Variants in B3GAT2 observed in about 807,000 individuals in gnomAD.
B3GAT2 encodes galactosylgalactosylxylosylprotein 3-beta-glucuronosyltransferase 2.
In B3GAT2, 26 loss-of-function variants were observed where a neutral mutation model predicts 27.8. That is an observed-to-expected ratio of 0.93 (90% CI 0.68 to 1.30). The LOEUF (loss-of-function observed/expected upper bound fraction) is 1.30. Among genes scored for constraint, B3GAT2 ranks in the 50% most tolerant of loss-of-function variants. The pLI, the probability that B3GAT2 is intolerant of heterozygous loss-of-function variation, is 0.00. For synonymous variants in B3GAT2, 218 were observed against 195.1 expected, an observed-to-expected ratio of 1.12 and a Z score of -0.98; for missense variants, 458 against 459.0, an observed-to-expected ratio of 1.00 and a Z score of 0.02.
At chr6:70,870,205 G>A (rs1307906533) in intron 2 of B3GAT2, among the ~76,000 whole-genome samples, 2 of 151,902 alleles carry the variant, frequency 1.3e-5, no homozygotes, top group Non-Finnish European at 2.9e-5. Flanking sequence ...GGAATACTAT[G>A]CAGCCATCAA....
At chr6:70,875,023 C>T (rs1208689090) in intron 2 of B3GAT2, among the ~76,000 whole-genome samples, 2 of 151,052 alleles carry the variant, frequency 1.3e-5, no homozygotes, top group East Asian at 3.9e-4. Flanking sequence ...AAAAACAAAA[C>T]TCCCCAGATT....
Position 70,860,359 on chromosome 6 carries a change from G to C in B3GAT2, c.*1304C>G, listed in dbSNP as rs760725061. ...AAAACTGCAATACAAGTTTCATCCA[G>C]AACTACCACCTGACATTCCTTGCTG... is the stretch of plus-strand genomic sequence containing the variant. On this transcript the variant is annotated 3_prime_UTR_variant, in exon 4 of 4. Transcript: ENST00000230053. The C allele has an allele frequency of 1.9e-6, 3 of 1,590,702 alleles. No homozygotes were observed. In the South Asian group the frequency reaches 3.4e-5, roughly 18 times the overall value.
rs1765669418 is a variant in B3GAT2 at position 70,957,019 on chromosome 6, C to T, written c.-590G>A. On this transcript the variant is annotated 5_prime_UTR_variant, in exon 1 of 4. Transcript: ENST00000230053. ...GCCGCAGCGGAAGCCTGCTCTCAGTCCCTTGCTCTTGTCTTCTCAGAACCT... is the reference window on the plus strand; with the variant it reads ...GCCGCAGCGGAAGCCTGCTCTCAGTTCCTTGCTCTTGTCTTCTCAGAACCT... The T allele has an allele frequency of 1.0e-6, 1 of 993,832 alleles. No homozygotes were observed. The highest frequency in any genetic ancestry group is 1.2e-6 in the Non-Finnish European group (1 of 836,070). 61.6% of individuals were successfully genotyped at this position (993,832 alleles called of 1,614,324 possible). A position where few individuals can be genotyped will look rare whatever the true frequency, so the allele number is the denominator to read the frequency against.
intron 1 of B3GAT2, among the ~76,000 whole-genome samples, chr6:70,953,966 C>T (rs1056501317): frequency 6.6e-6 from 1 of 152,162 alleles, no homozygotes; most frequent in Non-Finnish European, 1.5e-5. Flanking sequence ...CATTTCACTG[C>T]CTGCGTGTGC....
intron 1 of B3GAT2, among the ~76,000 whole-genome samples, chr6:70,896,782 C>T (rs1772394182): frequency 6.6e-6 from 1 of 152,176 alleles, no homozygotes; most frequent in Admixed American, 6.5e-5. Flanking sequence ...TTGCGTAGTT[C>T]ATACCACAGT....
intron 2 of B3GAT2, among the ~76,000 whole-genome samples, chr6:70,893,597 T>C (rs760672918): frequency 6.6e-6 from 1 of 152,192 alleles, no homozygotes; most frequent in Non-Finnish European, 1.5e-5. Context: ...AAGACAGTTA[T>C]ACTCAATAAA....
chr6:70,922,053 G>T (rs896548695), intron 1 of B3GAT2, among the ~76,000 whole-genome samples: 1 of 152,134 alleles, frequency 6.6e-6, no homozygotes, highest in Non-Finnish European at 1.5e-5. Context: ...GTGGCAGCAG[G>T]ATCCATGCCT....
chr6:70,874,049 A>C (rs1318533108), intron 2 of B3GAT2, among the ~76,000 whole-genome samples: 1 of 152,196 alleles, frequency 6.6e-6, no homozygotes, highest in Non-Finnish European at 1.5e-5. Flanking sequence ...TATAATGTCC[A>C]GACATTTTCA....
At chr6:70,884,390 A>C (rs1772149102) in intron 2 of B3GAT2, among the ~76,000 whole-genome samples, 1 of 152,200 alleles carries the variant, frequency 6.6e-6, no homozygotes, top group Non-Finnish European at 1.5e-5. Flanking sequence ...TTACACTAGA[A>C]AAGGAAAACA....
chr6:70,884,520 C>G (rs368601654), intron 2 of B3GAT2, among the ~76,000 whole-genome samples: 2 of 152,236 alleles, frequency 1.3e-5, no homozygotes, highest in South Asian at 2.1e-4. Flanking sequence ...GCTAGCAAGG[C>G]GGCCAGGGGC....
At chr6:70,886,589 G>C (rs1772191018) in intron 2 of B3GAT2, among the ~76,000 whole-genome samples, 1 of 152,134 alleles carries the variant, frequency 6.6e-6, no homozygotes, top group South Asian at 2.1e-4. Flanking sequence ...AGCCCTGAAA[G>C]GCCTCTGCAG....
intron 2 of B3GAT2, among the ~76,000 whole-genome samples, chr6:70,880,633 G>A (rs899690543): frequency 6.6e-5 from 10 of 150,794 alleles, no homozygotes; most frequent in Admixed American, 3.3e-4. Flanking sequence ...GGACTACAGC[G>A]TGCACCACCA....
rs3734369 is a variant in B3GAT2 at position 70,859,426 on chromosome 6, C to T, written c.*2237G>A. ...AAATGTCCTTTAGTAGGTATGAAGA[C>T]GTGATCTGCTTCTTCAGACACTTAT... On this transcript the variant is annotated 3_prime_UTR_variant, in exon 4 of 4. Coordinates refer to ENST00000230053, the MANE Select transcript of B3GAT2 (RefSeq NM_080742.3). 92,597 of 1,515,290 alleles carry T rather than the reference C, an allele frequency of 0.061. 6,329 individuals carry two copies. Among genetic ancestry groups the T allele is most frequent in the East Asian group, 0.45 (18,231 of 40,682 alleles). 93.9% of individuals were successfully genotyped at this position (1,515,290 alleles called of 1,614,324 possible). A position where few individuals can be genotyped will look rare whatever the true frequency, so the allele number is the denominator to read the frequency against.
chr6:70,877,787 C>G (rs1206957052), intron 2 of B3GAT2, among the ~76,000 whole-genome samples: 1 of 152,148 alleles, frequency 6.6e-6, no homozygotes, highest in Non-Finnish European at 1.5e-5. Context: ...GGCATAGATA[C>G]CTGAGATTCA....
At position 70,955,175 on chromosome 6, in the gene B3GAT2, CAAAAA is replaced by C. The variant is rs568676062; in HGVS notation, c.591+659_591+663del. On this transcript the variant is annotated intron_variant, in intron 1 of 3. Transcript: ENST00000230053. ...TTATTTTCCAGAAAGGGTTTTCTTG[CAAAAA>C]AAAAAAAAAAGTAATCTTGAGGGTC... Among the ~76,000 whole-genome samples the C allele has an allele frequency of 5.3e-5, 7 of 131,810 alleles. No individual in the cohort carries two copies. The East Asian group carries it at 1.5e-3, about 29-fold the overall frequency. 86.5% of individuals were successfully genotyped at this position (131,810 alleles called of 152,430 possible).
intron 2 of B3GAT2, among the ~76,000 whole-genome samples, chr6:70,886,866 C>A (rs941232863): frequency 1.3e-5 from 2 of 152,184 alleles, no homozygotes; most frequent in Non-Finnish European, 2.9e-5. Flanking sequence ...CACTCTGCCA[C>A]CTGTCCCTGT....
rs11326571 is a variant in B3GAT2 at position 70,888,224 on chromosome 6, A to AT, written c.736+5903dup. Among the ~76,000 whole-genome samples the AT allele has an allele frequency of 6.3e-3, 913 of 144,166 alleles. 2 individuals are homozygous for AT. The highest frequency in any genetic ancestry group is 0.013 in the African/African-American group (519 of 39,862). 94.6% of individuals were successfully genotyped at this position (144,166 alleles called of 152,430 possible). A position where few individuals can be genotyped will look rare whatever the true frequency, so the allele number is the denominator to read the frequency against. On this transcript the variant is annotated intron_variant, in intron 2 of 3. Transcript: ENST00000230053. ...TTGAAAACTTCAGTCAGGTGATGTGATTTTTTTTTTTTTTCCTAATATGCA... is the reference window on the plus strand; with the variant it reads ...TTGAAAACTTCAGTCAGGTGATGTGATTTTTTTTTTTTTTTCCTAATATGCA...
Position 70,860,340 on chromosome 6 carries a change from G to T in B3GAT2, c.*1323C>A, listed in dbSNP as rs1231251066. 1 of 1,603,258 alleles carries T rather than the reference G, an allele frequency of 6.2e-7. No individual in the cohort carries two copies. Among genetic ancestry groups the T allele is most frequent in the Non-Finnish European group, 8.5e-7 (1 of 1,175,948 alleles). On this transcript the variant is annotated 3_prime_UTR_variant, in exon 4 of 4. Coordinates refer to ENST00000230053, the MANE Select transcript of B3GAT2 (RefSeq NM_080742.3). ...GCACACAACTGTGGAAATGAAAACT[G>T]CAATACAAGTTTCATCCAGAACTAC...
At chr6:70,944,328 A>G (rs1765441680) in intron 1 of B3GAT2, among the ~76,000 whole-genome samples, 1 of 152,128 alleles carries the variant, frequency 6.6e-6, no homozygotes, top group Non-Finnish European at 1.5e-5. Context: ...TAGTCAAAGA[A>G]AGGGGTGACA....
Sources: gnomAD v4.1 joint callset for allele counts (sites outside exome capture counted in the v4.1 genomes callset) on GRCh38, gnomAD v4.1.1 for gene constraint, MANE v1.5 for transcripts, NCBI Gene and HGNC (gene_info 2026-07-23, HGNC 2026-07-21) for gene names.